The following ADAM23 variants were observed in gnomAD, a reference collection of about 807,000 sequenced individuals.
ADAM23 encodes ADAM metallopeptidase domain 23.
ADAM23 carries 33 observed loss-of-function variants against 120.1 expected under a neutral mutation model. The ratio of observed to expected loss-of-function variants is 0.27; its 90% CI spans 0.21 to 0.37. The LOEUF (loss-of-function observed/expected upper bound fraction) is 0.37. ADAM23 is among the 10% of genes least tolerant of loss of function. The probability of loss-of-function intolerance (pLI) is 1.00; values close to 1 mark genes in which losing one functional copy is unlikely to be tolerated. For synonymous variants in ADAM23, 367 were observed against 375.2 expected, an observed-to-expected ratio of 0.98 and a Z score of 0.25; for missense variants, 862 against 1,058.2, an observed-to-expected ratio of 0.81 and a Z score of 2.57.
intron 18 of ADAM23, among the ~76,000 whole-genome samples, chr2:206,577,264 T>C (rs2105836430): frequency 6.6e-6 from 1 of 152,236 alleles, no homozygotes; most frequent in South Asian, 2.1e-4. Context: ...CTTTTTTTTT[T>C]TTCTTTTATT....
intron 3 of ADAM23, among the ~76,000 whole-genome samples, chr2:206,524,148 G>A (rs892155493): frequency 6.6e-6 from 1 of 152,168 alleles, no homozygotes; most frequent in African/African-American, 2.4e-5. Context: ...ATGGGCATTT[G>A]TGGTACTCCT....
rs1290159864 is a variant in ADAM23, at chr2:206,443,586, G to A, written c.-281G>A. ...TCGCTGAAGCGGCCGCGCCCGCCGG[G>A]GGAGGGAGTAGCCGCTGGGGAGGCT... On this transcript the variant is annotated 5_prime_UTR_variant, in exon 1 of 26. Coordinates refer to ENST00000264377, the MANE Select transcript of ADAM23 (RefSeq NM_003812.4). 3 of 146,198 alleles carry A rather than the reference G, an allele frequency of 2.1e-5. No individual in the cohort carries two copies. The highest frequency in any genetic ancestry group is 1.5e-5 in the Non-Finnish European group (1 of 65,436). 9.1% of individuals were successfully genotyped at this position (146,198 alleles called of 1,614,324 possible).
intron 23 of ADAM23, 55 bp downstream of exon 23, chr2:206,594,960 T>G (rs1265856311): frequency 1.3e-6 from 2 of 1,587,304 alleles, no homozygotes. Flanking sequence ...ATGGTCACAG[T>G]GACTGGACTT....
intron 15 of ADAM23, among the ~76,000 whole-genome samples, chr2:206,569,788 A>G (rs1227640085): frequency 6.6e-6 from 1 of 152,128 alleles, no homozygotes; most frequent in Non-Finnish European, 1.5e-5. Context: ...GCTTTTCGTA[A>G]TAGTTTTGCC....
intron 3 of ADAM23, among the ~76,000 whole-genome samples, chr2:206,489,644 C>T (rs1378936659): frequency 6.6e-6 from 1 of 152,148 alleles, no homozygotes; most frequent in Admixed American, 6.5e-5. Context: ...TTTGATAACC[C>T]TGTGAGGAAG....
chr2:206,524,832 A>G (rs1197673558), intron 3 of ADAM23, among the ~76,000 whole-genome samples: 3 of 152,226 alleles, frequency 2.0e-5, no homozygotes, highest in African/African-American at 7.2e-5. Context: ...GTGAGGACAC[A>G]GCCAAACTGT....
chr2:206,512,348 C>T (rs1054857764), intron 3 of ADAM23, among the ~76,000 whole-genome samples: 3 of 152,172 alleles, frequency 2.0e-5, no homozygotes, highest in African/African-American at 7.2e-5. Context: ...TATGCTATTA[C>T]TTCACTCATC....
intron 2 of ADAM23, among the ~76,000 whole-genome samples, chr2:206,477,397 A>G (rs1183958133): frequency 6.6e-6 from 1 of 152,148 alleles, no homozygotes; most frequent in Non-Finnish European, 1.5e-5. Flanking sequence ...GAAAAATACT[A>G]AAGTGGTTAG....
chr2:206,502,986 A>G (rs1696421776), intron 3 of ADAM23, among the ~76,000 whole-genome samples: 4 of 152,202 alleles, frequency 2.6e-5, no homozygotes. Context: ...ATTATAATGT[A>G]TATGTATAAA....
rs768327819 is a variant in ADAM23 at position 206,594,884 on chromosome 2, T to C, written c.2226T>C (p.Gly742=). 4.3e-6 allele frequency: 7 copies of C among 1,613,884 alleles called. No homozygotes were observed. The highest frequency in any genetic ancestry group is 5.9e-6 in the Non-Finnish European group (7 of 1,179,928). The change falls in exon 23 of 26, where the codon GGT becomes GGC. Residue 742 remains glycine, a synonymous_variant. Coordinates refer to ENST00000264377, the MANE Select transcript of ADAM23 (RefSeq NM_003812.4). The part of the protein sequence containing the change: ...NMSSCPLDSK[G]KVCSGHGVCS... The stretch of plus-strand genomic sequence containing the variant: ...GCAGCTGTCCACTCGATTCCAAGGG[T>C]AAAGTCTGTTCGGGCCATGGGGTAA...
At chr2:206,517,130 C>T (rs77996605) in intron 3 of ADAM23, among the ~76,000 whole-genome samples, 4 of 152,198 alleles carry the variant, frequency 2.6e-5, no homozygotes, top group African/African-American at 7.2e-5. Flanking sequence ...TTGAAATATA[C>T]TAAAGAGGAC....
chr2:206,509,605 C>A (rs962015194), intron 3 of ADAM23, among the ~76,000 whole-genome samples: 2 of 152,076 alleles, frequency 1.3e-5, no homozygotes, highest in Non-Finnish European at 2.9e-5. Flanking sequence ...TGCGCCATCA[C>A]GCCCAGCTAA....
chr2:206,473,181 T>C (rs1054994138), intron 2 of ADAM23, among the ~76,000 whole-genome samples: 1 of 152,228 alleles, frequency 6.6e-6, no homozygotes, highest in Admixed American at 6.5e-5. Context: ...AGGCATCTTG[T>C]GTTTTACTTT....
chr2:206,457,865 T>G (rs1477450881), intron 2 of ADAM23, among the ~76,000 whole-genome samples: 1 of 152,212 alleles, frequency 6.6e-6, no homozygotes, highest in Non-Finnish European at 1.5e-5. Context: ...TAAACTGAAT[T>G]TAATTATAAC....
chr2:206,567,313 G>A lies in ADAM23; in HGVS notation c.1485G>A (p.Arg495=). Residue 495 remains arginine (R), a synonymous_variant, in exon 15 of 26, where the codon AGG becomes AGA. Coordinates refer to ENST00000264377, the MANE Select transcript of ADAM23 (RefSeq NM_003812.4). ...QRGGGACLFN[R]PTKLFEPTEC... ...GAGGTGGAGCCTGCCTTTTCAACAG[G>A]CCAACAAAGGTTAGTAACTTAGAAA... 2 of 1,611,572 alleles carry A rather than the reference G, an allele frequency of 1.2e-6. No individual in the cohort carries two copies. The highest frequency in any genetic ancestry group is 8.5e-7 in the Non-Finnish European group (1 of 1,177,840).
chr2:206,446,568 A>G (rs1695086773), intron 2 of ADAM23, among the ~76,000 whole-genome samples: 2 of 152,138 alleles, frequency 1.3e-5, no homozygotes, highest in South Asian at 2.1e-4. Context: ...GGAGCTAGAA[A>G]TTTAAGGCTT....
In ADAM23 at chr2:206,562,241, G is replaced by A; in HGVS notation, c.1293G>A (p.Gln431=). 6.2e-7 allele frequency: 1 copy of A among 1,614,104 alleles called. No individual in the cohort carries two copies. The highest frequency in any genetic ancestry group is 8.5e-7 in the Non-Finnish European group (1 of 1,179,976). Residue 431 remains glutamine, a synonymous_variant, in exon 13 of 26, where the codon CAG becomes CAA. Coordinates refer to ENST00000264377, the MANE Select transcript of ADAM23 (RefSeq NM_003812.4). ...TGGCAGTGGCACAAGTATTATCGCA[G>A]AGCCTGGCTCAAAACCTTGGAATCC... ...LPMAVAQVLS[Q]SLAQNLGIQW... is the part of the protein sequence containing the mutation.
Position 206,587,347 on chromosome 2 carries a change from A to G in ADAM23, c.1760A>G (p.Gln587Arg), listed in dbSNP as rs1159819742. The stretch of plus-strand genomic sequence containing the variant: ...CAGTGCCCACCAAATCTTCATAAGC[A>G]AGACGGATATGCATGCAATCAAAAT... ...SGQCPPNLHKQDGYACNQNQG... is the reference protein window; with the variant it reads ...SGQCPPNLHKRDGYACNQNQG... Residue 587 changes from glutamine to arginine, a missense_variant, in exon 19 of 26, where the codon CAA (glutamine) becomes CGA (arginine). By Grantham distance (43) the Gln-to-Arg change is conservative. Transcript: ENST00000264377. 2 of 1,608,434 alleles carry G rather than the reference A, an allele frequency of 1.2e-6. No homozygotes were observed. Among genetic ancestry groups the G allele is most frequent in the African/African-American group, 2.7e-5 (2 of 74,794 alleles).
intron 12 of ADAM23, 67 bp from the exon 13 acceptor site, chr2:206,562,136 A>G: frequency 7.4e-7 from 1 of 1,356,648 alleles, no homozygotes; most frequent in Non-Finnish European, 1.0e-6. Flanking sequence ...GTAACAATTA[A>G]GAAATAATAA....
Sources: allele counts gnomAD v4.1 joint callset (sites outside exome capture counted in the v4.1 genomes callset), GRCh38; gene constraint gnomAD v4.1.1; transcripts MANE v1.5; gene names NCBI Gene and HGNC (gene_info 2026-07-23, HGNC 2026-07-21).